FHIP1A: variants seen among roughly 807,000 people sequenced by gnomAD.
FHIP1A encodes the protein FHF complex subunit HOOK interacting protein 1A, also known as FHF complex subunit HOOK-interacting protein 1A.
In FHIP1A, 61 loss-of-function variants were observed where a neutral mutation model predicts 88.6. The ratio of observed to expected loss-of-function variants is 0.69; its 90% CI spans 0.56 to 0.85. The LOEUF (loss-of-function observed/expected upper bound fraction) is 0.85. Ranked by LOEUF, FHIP1A falls within the 40% of genes least tolerant of loss-of-function variation. FHIP1A has a pLI of 0.00. For missense variants in FHIP1A, 1,154 were observed against 1,273.5 expected (o/e 0.91, Z 1.43); for synonymous variants, 478 against 496.0 (o/e 0.96, Z 0.48).
chr4:151,482,871 T>C (rs1036739201), intron 3 of FHIP1A, among the ~76,000 whole-genome samples: 1 of 152,120 alleles, frequency 6.6e-6, no homozygotes, highest in South Asian at 2.1e-4. Flanking sequence ...AGCATTCTTC[T>C]AAGCATCCTG....
chr4:151,467,670 T>C (rs1729369633), intron 2 of FHIP1A, among the ~76,000 whole-genome samples: 1 of 152,154 alleles, frequency 6.6e-6, no homozygotes, highest in South Asian at 2.1e-4. Flanking sequence ...TGAGATCATG[T>C]CCTTTGCAGG....
chr4:151,585,388 C>T (rs368299927), intron 5 of FHIP1A, among the ~76,000 whole-genome samples: 7 of 152,078 alleles, frequency 4.6e-5, no homozygotes, highest in East Asian at 3.9e-4. Flanking sequence ...CCATGTTGGC[C>T]GGACTGGTCT....
chr4:151,595,398 T>C (rs1032760849), intron 7 of FHIP1A, among the ~76,000 whole-genome samples: 1 of 152,218 alleles, frequency 6.6e-6, no homozygotes, highest in Non-Finnish European at 1.5e-5. Context: ...TGAGAGACTG[T>C]TATGATTTCC....
chr4:151,440,693 T>G lies in FHIP1A; in HGVS notation c.-355-14008T>G, dbSNP rs112948013. ...ACAAGGTAGATGGAGCTGAATCTTC[T>G]CAGAGAACTGGGGGTAACTGGCCAA... On this transcript the variant is annotated intron_variant, in intron 1 of 13. Coordinates refer to ENST00000435205, the MANE Select transcript of FHIP1A (RefSeq NM_001109977.3). Among the ~76,000 whole-genome samples, 723 of 152,230 alleles carry G rather than the reference T, an allele frequency of 4.7e-3. 2 individuals carry two copies. The highest frequency in any genetic ancestry group is 8.6e-3 in the Non-Finnish European group (585 of 67,998).
At chr4:151,441,525 G>A (rs1190137113) in intron 1 of FHIP1A, among the ~76,000 whole-genome samples, 1 of 152,116 alleles carries the variant, frequency 6.6e-6, no homozygotes, top group Non-Finnish European at 1.5e-5. Context: ...TGAGATCAGA[G>A]TCTGGGAAAG....
chr4:151,530,400 G>A (rs899552832), intron 3 of FHIP1A, among the ~76,000 whole-genome samples: 1 of 152,080 alleles, frequency 6.6e-6, no homozygotes, highest in Non-Finnish European at 1.5e-5. Flanking sequence ...GATGAAAGTG[G>A]GTACCCATGT....
At chr4:151,418,944 G>C (rs1337123517) in intron 1 of FHIP1A, among the ~76,000 whole-genome samples, 1 of 151,798 alleles carries the variant, frequency 6.6e-6, no homozygotes, top group Non-Finnish European at 1.5e-5. Context: ...TCATTCCATA[G>C]TCAATTGATT....
At chr4:151,601,553 A>G (rs1268531166) in intron 7 of FHIP1A, among the ~76,000 whole-genome samples, 1 of 150,692 alleles carries the variant, frequency 6.6e-6, no homozygotes, top group Non-Finnish European at 1.5e-5. Flanking sequence ...GGAACCTAAA[A>G]TCAGAGTTGG....
chr4:151,580,509 A>G (rs1733981765), intron 5 of FHIP1A, among the ~76,000 whole-genome samples: 1 of 152,212 alleles, frequency 6.6e-6, no homozygotes, highest in South Asian at 2.1e-4. Flanking sequence ...GAAAAAAACA[A>G]GAACTTTTGA....
intron 1 of FHIP1A, among the ~76,000 whole-genome samples, chr4:151,449,541 A>G (rs1728721748): frequency 6.6e-6 from 1 of 152,168 alleles, no homozygotes; most frequent in African/African-American, 2.4e-5. Context: ...GAGAACATTC[A>G]AAAACCTCTC....
intron 7 of FHIP1A, among the ~76,000 whole-genome samples, chr4:151,604,589 C>T (rs146163390): frequency 3.4e-4 from 52 of 152,274 alleles, no homozygotes; most frequent in South Asian, 2.9e-3. Flanking sequence ...TGGCTCACGC[C>T]TGTAATCCCA....
rs1038818189 is a variant in FHIP1A, at chr4:151,634,066, C to T, written c.1146+4197C>T. Among the ~76,000 whole-genome samples, 7 of 151,710 alleles carry T rather than the reference C, an allele frequency of 4.6e-5. No homozygotes were observed. The East Asian group carries it at 7.7e-4, about 17-fold the overall frequency. On this transcript the variant is annotated intron_variant, in intron 8 of 13. Transcript: ENST00000435205. The stretch of plus-strand genomic sequence containing the variant: ...CCAAAAAACTGTTAGAACTAACAAG[C>T]GAGTTCAGTAAAGTTACAGGATACA...
chr4:151,446,169 C>G (rs1728594550), intron 1 of FHIP1A, among the ~76,000 whole-genome samples: 1 of 152,004 alleles, frequency 6.6e-6, no homozygotes, highest in Non-Finnish European at 1.5e-5. Context: ...ATGGTATGAT[C>G]AGACTTCTTA....
chr4:151,483,732 A>G (rs1049755213), intron 3 of FHIP1A, among the ~76,000 whole-genome samples: 3 of 152,150 alleles, frequency 2.0e-5, no homozygotes, highest in Non-Finnish European at 4.4e-5. Context: ...GTAATTTTGT[A>G]TCCTTTAAGA....
At chr4:151,636,097 A>G (rs1193532011) in intron 8 of FHIP1A, among the ~76,000 whole-genome samples, 1 of 152,034 alleles carries the variant, frequency 6.6e-6, no homozygotes, top group Non-Finnish European at 1.5e-5. Flanking sequence ...AATGAAATCT[A>G]GAATAAATAG....
intron 2 of FHIP1A, among the ~76,000 whole-genome samples, chr4:151,472,290 A>T (rs775404166): frequency 5.3e-5 from 8 of 152,134 alleles, no homozygotes; most frequent in Non-Finnish European, 1.2e-4. Context: ...TTTAACGTGT[A>T]TTCAGACCAT....
intron 3 of FHIP1A, among the ~76,000 whole-genome samples, chr4:151,496,735 T>C (rs10857259): frequency 1.4e-5 from 2 of 144,808 alleles, no homozygotes; most frequent in African/African-American, 2.6e-5. Flanking sequence ...TTTTTTTTTG[T>C]ATTTTTGATG....
rs192293563 is a variant in FHIP1A, at chr4:151,664,037, A to C, written c.*1283A>C. ...GGGAAAACAGAATAATTGTGAGCTG[A>C]AAATGAGACCATAAACAACTGATTT... On this transcript the variant is annotated 3_prime_UTR_variant, in exon 14 of 14. Coordinates refer to ENST00000435205, the MANE Select transcript of FHIP1A (RefSeq NM_001109977.3). 6.6e-6 allele frequency among the ~76,000 whole-genome samples: 1 copy of C among 152,370 alleles called. No individual in the cohort carries two copies. The highest frequency in any genetic ancestry group is 1.9e-4 in the East Asian group (1 of 5,188).
chr4:151,593,573 T>C (rs1734526346), intron 7 of FHIP1A, among the ~76,000 whole-genome samples: 1 of 152,216 alleles, frequency 6.6e-6, no homozygotes, highest in Non-Finnish European at 1.5e-5. Flanking sequence ...GTTTCTATTA[T>C]TTATGTATAG....
Sources: gnomAD v4.1 joint callset for allele counts (sites outside exome capture counted in the v4.1 genomes callset) on GRCh38, gnomAD v4.1.1 for gene constraint, MANE v1.5 for transcripts, NCBI Gene and HGNC (gene_info 2026-07-23, HGNC 2026-07-21) for gene names.